Variants in ARHGAP12 observed in about 807,000 individuals in gnomAD.
ARHGAP12 encodes the protein Rho GTPase activating protein 12.
Under a neutral mutation model 108.6 loss-of-function variants are expected in ARHGAP12, and 64 were observed. That is an observed-to-expected ratio of 0.59 (90% CI 0.48 to 0.73). ARHGAP12 has a LOEUF of 0.73. Ranked by LOEUF, ARHGAP12 falls within the 30% of genes least tolerant of loss-of-function variation. The pLI is 0.00. For missense variants in ARHGAP12, 940 were observed against 1,005.9 expected (o/e 0.93, Z 0.89); for synonymous variants, 312 against 337.2 (o/e 0.93, Z 0.82).
chr10:31,888,693 C>T (rs1157502238), intron 3 of ARHGAP12, among the ~76,000 whole-genome samples: 5 of 151,742 alleles, frequency 3.3e-5, no homozygotes, highest in Admixed American at 1.3e-4. Flanking sequence ...CCAGCACTTA[C>T]AATTAAGAGT....
At chr10:31,876,173 T>C (rs1169337016) in intron 3 of ARHGAP12, among the ~76,000 whole-genome samples, 2 of 152,148 alleles carry the variant, frequency 1.3e-5, no homozygotes, top group Non-Finnish European at 2.9e-5. Context: ...CCCTTCTCTT[T>C]TGAAACTCCT....
At chr10:31,847,963 G>A (rs1836525591) in intron 6 of ARHGAP12, among the ~76,000 whole-genome samples, 1 of 152,116 alleles carries the variant, frequency 6.6e-6, no homozygotes, top group Non-Finnish European at 1.5e-5. Context: ...ACAGATTTCT[G>A]GGTTGGCTAA....
chr10:31,806,682 T>G lies in ARHGAP12; in HGVS notation c.*976A>C, dbSNP rs1162266532. On this transcript the variant is annotated 3_prime_UTR_variant, in exon 20 of 20. Transcript: ENST00000344936. ...ACCATTCTCATTACAGTGATTTGCCTGTAAATGTAGTTAATATCTAAAAGT... is the reference window on the plus strand; with the variant it reads ...ACCATTCTCATTACAGTGATTTGCCGGTAAATGTAGTTAATATCTAAAAGT... The G allele has an allele frequency of 6.6e-6, 1 of 152,638 alleles. No homozygotes were observed. Among genetic ancestry groups the G allele is most frequent in the Non-Finnish European group, 1.5e-5 (1 of 68,026 alleles). The allele number at this position is 152,638 out of a possible 1,614,324, so 9.5% of individuals were successfully genotyped here.
Position 31,808,718 on chromosome 10 carries a change from T to A in ARHGAP12, c.2297A>T (p.Lys766Met), listed in dbSNP as rs771513913. 1 of 1,613,906 alleles carries A rather than the reference T, an allele frequency of 6.2e-7. No homozygotes were observed. The highest frequency in any genetic ancestry group is 1.7e-5 in the Admixed American group (1 of 60,012). The change falls in exon 19 of 20, where the codon AAG becomes ATG. Residue 766 changes from lysine (K) to methionine (M), a missense_variant. By Grantham distance (95) the Lys-to-Met change is moderately conservative (BLOSUM62 -1). Coordinates refer to ENST00000344936, the MANE Select transcript of ARHGAP12 (RefSeq NM_018287.7). ...CTTTGGCAACTGTCTGATTAGGTCC[T>A]TAACAGCAGCGACTCGCTGTCTTGG... Reference protein sequence around the residue: ...QEPRQRVAAVKDLIRQLPKPN... With the variant: ...QEPRQRVAAVMDLIRQLPKPN...
chr10:31,869,121 A>G (rs576695248), intron 3 of ARHGAP12, among the ~76,000 whole-genome samples: 1 of 152,336 alleles, frequency 6.6e-6, no homozygotes, highest in East Asian at 1.9e-4. Context: ...TAAAATGAAT[A>G]AGCAGTAAGA....
intron 1 of ARHGAP12, among the ~76,000 whole-genome samples, chr10:31,916,342 C>A (rs1482560389): frequency 1.3e-5 from 2 of 152,134 alleles, no homozygotes; most frequent in Admixed American, 6.5e-5. Context: ...ACAACCACCA[C>A]CCCCGACACA....
chr10:31,813,231 T>C (rs1342815220), intron 14 of ARHGAP12, among the ~76,000 whole-genome samples: 1 of 152,078 alleles, frequency 6.6e-6, no homozygotes, highest in Non-Finnish European at 1.5e-5. Context: ...ACAATCCCTA[T>C]CTTCATTGAA....
chr10:31,866,284 G>T (rs1284800262), intron 3 of ARHGAP12, among the ~76,000 whole-genome samples: 1 of 152,182 alleles, frequency 6.6e-6, no homozygotes, highest in Admixed American at 6.5e-5. Context: ...CAGCAATTAA[G>T]AAGTTTTTAA....
chr10:31,814,121 G>C, intron 14 of ARHGAP12, 138 bp downstream of exon 14: 1 of 679,914 alleles, frequency 1.5e-6, no homozygotes, highest in Non-Finnish European at 2.6e-6. Context: ...CTGACACACT[G>C]AGACTGCACT....
chr10:31,822,901 A>C (rs1355246960), intron 11 of ARHGAP12, among the ~76,000 whole-genome samples: 1 of 152,190 alleles, frequency 6.6e-6, no homozygotes, highest in Non-Finnish European at 1.5e-5. Flanking sequence ...CATCTGCTAA[A>C]CACCCTACCA....
intron 6 of ARHGAP12, among the ~76,000 whole-genome samples, chr10:31,848,935 CT>C (rs2132272550): frequency 6.6e-6 from 1 of 152,032 alleles, no homozygotes; most frequent in East Asian, 1.9e-4. Flanking sequence ...GCCAGGTGTG[CT>C]GGTGCACGCC....
At chr10:31,926,246 C>T (rs1840034716) in intron 1 of ARHGAP12, among the ~76,000 whole-genome samples, 1 of 151,002 alleles carries the variant, frequency 6.6e-6, no homozygotes, top group African/African-American at 2.4e-5. Context: ...GCAGAATATT[C>T]ATTAAGTCCA....
At chr10:31,811,837 TCTTTGTAGAG>T in intron 15 of ARHGAP12, among the ~76,000 whole-genome samples, 1 of 152,062 alleles carries the variant, frequency 6.6e-6, no homozygotes, top group African/African-American at 2.4e-5. Flanking sequence ...CCCAACTAAT[TCTTTGTAGAG>T]AGAGGGTCTC....
chr10:31,807,895 G>C, intron 19 of ARHGAP12, 63 bp from the exon 20 acceptor site: 11 of 1,269,840 alleles, frequency 8.7e-6, no homozygotes, highest in Non-Finnish European at 1.2e-5. Flanking sequence ...TCTTCAAATG[G>C]TATTATAAAC....
rs1837318936 is a variant in ARHGAP12, at chr10:31,866,315, G to T, written c.685-4657C>A. 3.3e-5 allele frequency among the ~76,000 whole-genome samples: 5 copies of T among 152,314 alleles called. No individual in the cohort carries two copies. In the South Asian group the frequency reaches 1.0e-3, roughly 32 times the overall value. On this transcript the variant is annotated intron_variant, in intron 3 of 19. Transcript: ENST00000344936. Reference sequence around the variant, plus strand: ...TTTAAAGACTTCAGCTACCAGCCATGAGGATCTGAAACTACTTTCCTGCCA... The same window carrying T: ...TTTAAAGACTTCAGCTACCAGCCATTAGGATCTGAAACTACTTTCCTGCCA...
intron 3 of ARHGAP12, among the ~76,000 whole-genome samples, chr10:31,878,853 T>C (rs1162799464): frequency 1.3e-5 from 2 of 152,248 alleles, no homozygotes; most frequent in Non-Finnish European, 2.9e-5. Flanking sequence ...ATTTTTAAGC[T>C]AGATTTTGTT....
chr10:31,883,766 C>G (rs1202360459), intron 3 of ARHGAP12, among the ~76,000 whole-genome samples: 1 of 148,632 alleles, frequency 6.7e-6, no homozygotes, highest in Non-Finnish European at 1.5e-5. Flanking sequence ...GGCTGGAGTT[C>G]AGTGGCGTGA....
At chr10:31,807,857 A>C in intron 19 of ARHGAP12, 25 bp from the exon 20 acceptor site, 1 of 1,475,898 alleles carries the variant, frequency 6.8e-7, no homozygotes, top group Non-Finnish European at 9.0e-7. Context: ...AGAAGTTGTT[A>C]AAAGAGAAAA....
Position 31,809,329 on chromosome 10 carries a change from T to C in ARHGAP12, c.2051-22A>G. On this transcript the variant is annotated intron_variant, in intron 16 of 19. Transcript: ENST00000344936. ...AAACCTAAGAGACAATAATAATTTG[T>C]GTGTGTGTGTGTTTAAAGTACTTCT... is the stretch of plus-strand genomic sequence containing the variant. The C allele has an allele frequency of 2.5e-6, 4 of 1,602,668 alleles. No homozygotes were observed. The Admixed American group carries it at 6.7e-5, about 27-fold the overall frequency.
Sources: gnomAD v4.1 joint callset for allele counts (sites outside exome capture counted in the v4.1 genomes callset) on GRCh38, gnomAD v4.1.1 for gene constraint, MANE v1.5 for transcripts, NCBI Gene and HGNC (gene_info 2026-07-23, HGNC 2026-07-21) for gene names.